DCC: variants seen among roughly 807,000 people sequenced by gnomAD.
DCC encodes netrin receptor DCC.
In DCC, 58 loss-of-function variants were observed where a neutral mutation model predicts 172.5. The ratio of observed to expected loss-of-function variants is 0.34; its 90% confidence interval spans 0.27 to 0.42. The LOEUF is 0.42. Among genes scored for constraint, DCC ranks in the 10% least tolerant of loss-of-function variants. DCC has a pLI of 1.00. For missense variants in DCC, 1,740 were observed against 1,791.0 expected, an observed-to-expected ratio of 0.97 and a Z score of 0.51; for synonymous variants, 709 against 644.5, an observed-to-expected ratio of 1.10 and a Z score of -1.52.
intron 19 of DCC, among the ~76,000 whole-genome samples, chr18:53,409,521 G>A (rs1481721068): frequency 6.6e-6 from 1 of 152,150 alleles, no homozygotes; most frequent in Admixed American, 6.5e-5. Flanking sequence ...TATCATGAGC[G>A]CCTTTACGGT....
At chr18:52,925,212 G>T (rs898785666) in intron 4 of DCC, 22 bp from the exon 5 acceptor site, 18 of 1,609,756 alleles carry the variant, frequency 1.1e-5, no homozygotes, top group Non-Finnish European at 1.5e-5. Flanking sequence ...AATTTACTCT[G>T]CACCTTCCCT....
intron 2 of DCC, among the ~76,000 whole-genome samples, chr18:52,854,660 A>G (rs2039024339): frequency 6.6e-6 from 1 of 152,232 alleles, no homozygotes; most frequent in African/African-American, 2.4e-5. Context: ...TTCTGTTTTT[A>G]ACTGACTGTG....
intron 2 of DCC, among the ~76,000 whole-genome samples, chr18:52,892,828 G>C (rs948014312): frequency 1.3e-5 from 2 of 152,032 alleles, no homozygotes; most frequent in African/African-American, 4.8e-5. Context: ...GCAAATGCAT[G>C]CACAGTATGA....
rs562740171 is a variant in DCC, at chr18:52,629,801, T to C, written c.92-122253T>C. 6.6e-5 allele frequency among the ~76,000 whole-genome samples: 10 copies of C among 151,926 alleles called. No homozygotes were observed. In the East Asian group the frequency reaches 1.9e-3, roughly 30 times the overall value. ...CCGTCTCTACTAAAAACACAAAAAA[T>C]TAGCTGGGCGTGCTGGCGGGTACCT... On this transcript the variant is annotated intron_variant, in intron 1 of 28. Coordinates refer to ENST00000442544, the MANE Select transcript of DCC (RefSeq NM_005215.4).
chr18:53,160,750 A>C (rs1248322102), intron 8 of DCC, among the ~76,000 whole-genome samples: 1 of 152,068 alleles, frequency 6.6e-6, no homozygotes, highest in African/African-American at 2.4e-5. Flanking sequence ...CAAATCTCCA[A>C]CACCTTCCGC....
At chr18:53,251,318 C>A (rs2056429521) in intron 12 of DCC, among the ~76,000 whole-genome samples, 1 of 151,936 alleles carries the variant, frequency 6.6e-6, no homozygotes, top group Admixed American at 6.6e-5. Context: ...TGTACAATAT[C>A]TGTCTTTTGT....
At chr18:52,390,545 A>G (rs72916977) in intron 1 of DCC, among the ~76,000 whole-genome samples, 13,584 of 152,102 alleles carry the variant, frequency 0.089, 747 homozygotes, top group South Asian at 0.16. Flanking sequence ...ATTTCACACT[A>G]TAGTCATTTG....
intron 23 of DCC, among the ~76,000 whole-genome samples, chr18:53,453,942 T>G (rs2045449849): frequency 6.6e-6 from 1 of 152,248 alleles, no homozygotes; most frequent in Non-Finnish European, 1.5e-5. Flanking sequence ...AGCTTTAAAT[T>G]ACTGCAGTTC....
intron 1 of DCC, among the ~76,000 whole-genome samples, chr18:52,622,580 C>T (rs1008000902): frequency 6.6e-6 from 1 of 152,140 alleles, no homozygotes; most frequent in Admixed American, 6.6e-5. Context: ...TCCATCACTG[C>T]CCCTATTCTA....
chr18:52,701,450 A>G (rs2036121685), intron 1 of DCC, among the ~76,000 whole-genome samples: 1 of 152,222 alleles, frequency 6.6e-6, no homozygotes, highest in Non-Finnish European at 1.5e-5. Flanking sequence ...ACCCATAGAC[A>G]GTATAATAAA....
At chr18:52,358,308 G>C (rs1461569736) in intron 1 of DCC, among the ~76,000 whole-genome samples, 1 of 152,176 alleles carries the variant, frequency 6.6e-6, no homozygotes, top group East Asian at 1.9e-4. Flanking sequence ...GTGGCTCTCT[G>C]CTTATTGAGA....
rs897943389 is a variant in DCC at position 52,616,542 on chromosome 18, G to A, written c.92-135512G>A. Among the ~76,000 whole-genome samples, 28 of 152,150 alleles carry A rather than the reference G, an allele frequency of 1.8e-4. No individual in the cohort carries two copies. The South Asian group carries it at 2.1e-3, about 11-fold the overall frequency. ...TCACTGCGCTTGGCCCATTTGACAA[G>A]CCAATTACATTTGCATTTGAGAGGG... On this transcript the variant is annotated intron_variant, in intron 1 of 28. Coordinates refer to ENST00000442544, the MANE Select transcript of DCC (RefSeq NM_005215.4).
At chr18:53,212,966 C>T (rs1450546314) in intron 11 of DCC, among the ~76,000 whole-genome samples, 1 of 152,122 alleles carries the variant, frequency 6.6e-6, no homozygotes, top group East Asian at 1.9e-4. Context: ...GCCACCATGC[C>T]CAGCCTGCCT....
At chr18:53,129,723 ACTAT>A (rs1229823058) in intron 7 of DCC, among the ~76,000 whole-genome samples, 1 of 152,078 alleles carries the variant, frequency 6.6e-6, no homozygotes, top group Admixed American at 6.6e-5. Context: ...GTATTTATCT[ACTAT>A]CTACTATTTT....
intron 2 of DCC, among the ~76,000 whole-genome samples, chr18:52,849,005 A>T (rs548425163): frequency 3.0e-4 from 46 of 152,264 alleles, no homozygotes; most frequent in Non-Finnish European, 5.7e-4. Flanking sequence ...AAAATCTTAG[A>T]TATTACTGAG....
At chr18:52,802,841 CCAGA>C (rs2038018724) in intron 2 of DCC, among the ~76,000 whole-genome samples, 1 of 151,064 alleles carries the variant, frequency 6.6e-6, no homozygotes, top group African/African-American at 2.4e-5. Context: ...CTATTGTTGA[CCAGA>C]AACCTTGCTA....
At chr18:52,708,719 C>T (rs1053758156) in intron 1 of DCC, among the ~76,000 whole-genome samples, 1 of 152,020 alleles carries the variant, frequency 6.6e-6, no homozygotes, top group Non-Finnish European at 1.5e-5. Flanking sequence ...TAGCTCAGTC[C>T]TTAGATGAGC....
intron 2 of DCC, among the ~76,000 whole-genome samples, chr18:52,901,772 A>G (rs2039811731): frequency 6.6e-6 from 1 of 152,224 alleles, no homozygotes; most frequent in Non-Finnish European, 1.5e-5. Flanking sequence ...TTAAACATTT[A>G]GAGTCACATA....
At chr18:53,223,705 A>ACCATT (rs568478945) in intron 12 of DCC, among the ~76,000 whole-genome samples, 2 of 152,170 alleles carry the variant, frequency 1.3e-5, no homozygotes, top group South Asian at 4.1e-4. Flanking sequence ...AAGATGTTGA[A>ACCATT]CCATTCACCC....
Sources: allele counts gnomAD v4.1 joint callset (sites outside exome capture counted in the v4.1 genomes callset), GRCh38; gene constraint gnomAD v4.1.1; transcripts MANE v1.5; gene names NCBI Gene and HGNC (gene_info 2026-07-23, HGNC 2026-07-21).